Variants in PRKN observed in about 807,000 individuals in gnomAD.
PRKN encodes the protein parkin RBR E3 ubiquitin protein ligase.
PRKN carries 56 observed loss-of-function variants against 59.5 expected under a neutral mutation model. That is an observed-to-expected ratio of 0.94 (90% CI 0.76 to 1.18). PRKN has a LOEUF of 1.18. PRKN is among the 50% of genes most tolerant of loss of function. PRKN has a pLI of 0.00. For missense variants in PRKN, 657 were observed against 596.4 expected (o/e 1.10, Z -1.06); for synonymous variants, 250 against 222.1 (o/e 1.13, Z -1.12).
chr6:161,705,991 C>G (rs1328551502), intron 7 of PRKN, among the ~76,000 whole-genome samples: 1 of 152,000 alleles, frequency 6.6e-6, no homozygotes, highest in Non-Finnish European at 1.5e-5. Context: ...TGGAATGGAA[C>G]AAATCAGTCC....
Position 161,538,810 on chromosome 6 carries a change from C to T in PRKN, c.1083+10044G>A, listed in dbSNP as rs928614567. Among the ~76,000 whole-genome samples the T allele has an allele frequency of 2.0e-5, 3 of 152,258 alleles. No individual in the cohort carries two copies. The highest frequency in any genetic ancestry group is 2.4e-5 in the African/African-American group (1 of 41,542). ...AGAGAGATTTGATTGAATAACTGAT[C>T]GACTTAGCCTTTCCCAGTGGAATGT... is the stretch of plus-strand genomic sequence containing the variant. On this transcript the variant is annotated intron_variant, in intron 9 of 11. Coordinates refer to ENST00000366898, the MANE Select transcript of PRKN (RefSeq NM_004562.3). This position sits in a 1 kb window ranked among gnomAD's most constrained non-coding sequence, Gnocchi z 4.2.
chr6:162,256,959 A>AACCTCCCCCAC (rs1779662484), intron 3 of PRKN, among the ~76,000 whole-genome samples: 2 of 152,300 alleles, frequency 1.3e-5, no homozygotes, highest in South Asian at 4.1e-4. Flanking sequence ...TTATTTCTTT[A>AACCTCCCCCAC]TGTTTCAAAA....
chr6:161,534,032 G>T (rs1779320714), intron 9 of PRKN, among the ~76,000 whole-genome samples: 1 of 151,984 alleles, frequency 6.6e-6, no homozygotes, highest in Non-Finnish European at 1.5e-5. Flanking sequence ...TTTTCCAAAA[G>T]ATCTGATCAT....
At chr6:162,101,798 G>T (rs1006988050) in intron 4 of PRKN, among the ~76,000 whole-genome samples, 1 of 152,130 alleles carries the variant, frequency 6.6e-6, no homozygotes, top group African/African-American at 2.4e-5. Flanking sequence ...GTAGTGTGAT[G>T]CCTCCAGCTT....
At position 161,833,931 on chromosome 6, in the gene PRKN, T is replaced by C. The variant is rs529349750; in HGVS notation, c.735-48023A>G. On this transcript the variant is annotated intron_variant, in intron 6 of 11. Coordinates refer to ENST00000366898, the MANE Select transcript of PRKN (RefSeq NM_004562.3). Reference sequence around the variant, plus strand: ...CCTAGCAACTTAAAGGAACTCATGATTCGTTTTTTATTTTGGAAGCTATGT... The same window carrying C: ...CCTAGCAACTTAAAGGAACTCATGACTCGTTTTTTATTTTGGAAGCTATGT... Among the ~76,000 whole-genome samples, 3 of 152,236 alleles carry C rather than the reference T, an allele frequency of 2.0e-5. No homozygotes were observed. The South Asian group carries it at 6.2e-4, about 32-fold the overall frequency.
chr6:162,694,236 CAAAAAAAA>C (rs149337714), intron 1 of PRKN, among the ~76,000 whole-genome samples: 36 of 93,516 alleles, frequency 3.8e-4, no homozygotes, highest in African/African-American at 1.4e-3. Flanking sequence ...AACAGTGAGA[CAAAAAAAA>C]AAAAAAAAAA....
intron 2 of PRKN, among the ~76,000 whole-genome samples, chr6:162,263,827 G>A (rs530996240): frequency 1.1e-4 from 16 of 152,090 alleles, no homozygotes; most frequent in African/African-American, 3.4e-4. Context: ...GTTAGCGTGC[G>A]CCTGTAATCC....
At chr6:162,523,601 T>C (rs770574269) in intron 1 of PRKN, among the ~76,000 whole-genome samples, 1 of 151,960 alleles carries the variant, frequency 6.6e-6, no homozygotes, top group Non-Finnish European at 1.5e-5. Context: ...GAGGCAGAGG[T>C]TGCAGTGAGC....
At chr6:162,204,356 ACT>A (rs1397795278) in intron 3 of PRKN, among the ~76,000 whole-genome samples, 1 of 152,140 alleles carries the variant, frequency 6.6e-6, no homozygotes, top group Non-Finnish European at 1.5e-5. Flanking sequence ...GAGCTGAGTG[ACT>A]CTGTAAAAAT....
rs1335660865 is a variant in PRKN at position 161,874,256 on chromosome 6, TATATGTAAA to T, written c.735-88357_735-88349del. On this transcript the variant is annotated intron_variant, in intron 6 of 11. Coordinates refer to ENST00000366898, the MANE Select transcript of PRKN (RefSeq NM_004562.3). ...ATAATATATAATATATAATATATATTATATGTAAAATATATAATATATATTATATATTAT... is the reference window on the plus strand; with the variant it reads ...ATAATATATAATATATAATATATATTATATATAATATATATTATATATTAT... Among the ~76,000 whole-genome samples the T allele has an allele frequency of 1.2e-3, 17 of 14,748 alleles. 3 individuals carry two copies. The highest frequency in any genetic ancestry group is 2.9e-3 in the Admixed American group (2 of 680). The allele number at this position is 14,748 out of a possible 152,430, so 9.7% of individuals were successfully genotyped here. A position where few individuals can be genotyped will look rare whatever the true frequency, so the allele number is the denominator to read the frequency against.
chr6:161,690,287 C>T (rs1261943318), intron 7 of PRKN, among the ~76,000 whole-genome samples: 1 of 152,198 alleles, frequency 6.6e-6, no homozygotes, highest in African/African-American at 2.4e-5. Context: ...TCCTTACACT[C>T]TGGCCATTGA....
chr6:162,053,598 G>A (rs1777736000), intron 5 of PRKN, among the ~76,000 whole-genome samples: 2 of 152,128 alleles, frequency 1.3e-5, no homozygotes, highest in Non-Finnish European at 1.5e-5. Context: ...CAATTACATC[G>A]CCGGCCACCC....
At chr6:162,290,695 C>T (rs1176094584) in intron 2 of PRKN, among the ~76,000 whole-genome samples, 1 of 152,114 alleles carries the variant, frequency 6.6e-6, no homozygotes, top group Non-Finnish European at 1.5e-5. Flanking sequence ...AATGAAAGTA[C>T]TAATTTAAAT....
chr6:161,675,689 C>T (rs1785061402), intron 7 of PRKN, among the ~76,000 whole-genome samples: 1 of 152,176 alleles, frequency 6.6e-6, no homozygotes, highest in South Asian at 2.1e-4. Flanking sequence ...CCAGCTCATA[C>T]ATCCTAACCT....
chr6:162,316,165 T>C (rs1464011903), intron 2 of PRKN, among the ~76,000 whole-genome samples: 1 of 151,616 alleles, frequency 6.6e-6, no homozygotes, highest in Non-Finnish European at 1.5e-5. Context: ...AGGAAAAATG[T>C]GCGTGACTTA....
At position 161,912,014 on chromosome 6, in the gene PRKN, C is replaced by T. The variant is rs138686934; in HGVS notation, c.734+61288G>A. On this transcript the variant is annotated intron_variant, in intron 6 of 11. Transcript: ENST00000366898. ...TCAACATGGTGAAACACCGTCTCTA[C>T]TAAAAATACAAAAATTACCCGGGTG... Among the ~76,000 whole-genome samples, 438 of 151,950 alleles carry T rather than the reference C, an allele frequency of 2.9e-3. 3 individuals carry two copies. The highest frequency in any genetic ancestry group is 0.01 in the African/African-American group (421 of 41,470).
chr6:162,239,021 C>T (rs952390989), intron 3 of PRKN, among the ~76,000 whole-genome samples: 2 of 152,082 alleles, frequency 1.3e-5, no homozygotes, highest in Non-Finnish European at 2.9e-5. Flanking sequence ...CACAAGTATC[C>T]AACAAATGAC....
rs147423920 is a variant in PRKN, at chr6:162,449,412, A to C, written c.8-5939T>G. Among the ~76,000 whole-genome samples, 35 of 152,322 alleles carry C rather than the reference A, an allele frequency of 2.3e-4. No individual in the cohort carries two copies. The East Asian group carries it at 6.6e-3, about 29-fold the overall frequency. On this transcript the variant is annotated intron_variant, in intron 1 of 11. Transcript: ENST00000366898. ...TACCCAATAATTTGTGGTGGAACACAAATCTCTAGAACTGCATCTTTGGAC... is the reference window on the plus strand; with the variant it reads ...TACCCAATAATTTGTGGTGGAACACCAATCTCTAGAACTGCATCTTTGGAC...
rs1242773179 is a variant in PRKN, at chr6:161,475,318, T to C, written c.1083+73536A>G. Among the ~76,000 whole-genome samples, 1 of 152,194 alleles carries C rather than the reference T, an allele frequency of 6.6e-6. No homozygotes were observed. Among genetic ancestry groups the C allele is most frequent in the Non-Finnish European group, 1.5e-5 (1 of 68,038 alleles). On this transcript the variant is annotated intron_variant, in intron 9 of 11. Coordinates refer to ENST00000366898, the MANE Select transcript of PRKN (RefSeq NM_004562.3). The surrounding 1 kb of genome is among the most constrained non-coding windows in gnomAD (Gnocchi z 5.3). The stretch of plus-strand genomic sequence containing the variant: ...CTGGTGACCCAGACATTCACGTTGC[T>C]TTCCAGTATTCCCATTTGCGATTTG...
Sources: gnomAD v4.1 joint callset for allele counts (sites outside exome capture counted in the v4.1 genomes callset) on GRCh38, gnomAD v4.1.1 for gene constraint, Gnocchi (gnomAD v3.1) non-coding constraint, MANE v1.5 for transcripts, NCBI Gene and HGNC (gene_info 2026-07-23, HGNC 2026-07-21) for gene names.